The following CAMTA1 variants were observed in gnomAD, a reference collection of about 807,000 sequenced individuals.
The protein encoded by CAMTA1 is calmodulin-binding transcription activator 1.
A neutral mutation model predicts 170.9 loss-of-function variants in CAMTA1; 27 were observed. The ratio of observed to expected loss-of-function variants is 0.16; its 90% CI spans 0.12 to 0.22. CAMTA1 has a LOEUF of 0.22. Ranked by LOEUF, CAMTA1 falls within the 10% of genes least tolerant of loss-of-function variation. The probability of loss-of-function intolerance (pLI) is 1.00; values close to 1 mark genes in which losing one functional copy is unlikely to be tolerated. For missense variants in CAMTA1, 1,619 were observed against 2,217.2 expected (o/e 0.73, Z 5.42); for synonymous variants, 833 against 891.5 (o/e 0.93, Z 1.17).
rs1268711004 is a variant in CAMTA1, at chr1:7,251,038, A to G, written c.438+1412A>G. ...GGAGGGAGAGGTAGAGAGTGAGGCA[A>G]GGCTGGGTGGGGCCCCCGAACAACG... is the stretch of plus-strand genomic sequence containing the variant. On this transcript the variant is annotated intron_variant, in intron 5 of 22. Coordinates refer to ENST00000303635, the MANE Select transcript of CAMTA1 (RefSeq NM_015215.4). The surrounding 1 kb of genome is among the most constrained non-coding windows in gnomAD (Gnocchi z 5.1). 6.6e-6 allele frequency among the ~76,000 whole-genome samples: 1 copy of G among 152,178 alleles called. No individual in the cohort carries two copies. The highest frequency in any genetic ancestry group is 2.4e-5 in the African/African-American group (1 of 41,452).
rs2096875174 is a variant in CAMTA1 at position 7,748,756 on chromosome 1, C to A, written c.4689+975C>A. ...GAAAATCAGAAGAAGCTCAGAACAT[C>A]TTAAACTGCTTTTGTGCACCTTAGT... On this transcript the variant is annotated intron_variant, in intron 19 of 22. Transcript: ENST00000303635. This position sits in a 1 kb window ranked among gnomAD's most constrained non-coding sequence, Gnocchi z 4.7. 6.6e-6 allele frequency among the ~76,000 whole-genome samples: 1 copy of A among 152,172 alleles called. No individual in the cohort carries two copies. Among genetic ancestry groups the A allele is most frequent in the Non-Finnish European group, 1.5e-5 (1 of 68,028 alleles).
intron 4 of CAMTA1, among the ~76,000 whole-genome samples, chr1:7,102,526 C>T (rs1344598194): frequency 2.6e-5 from 4 of 152,152 alleles, no homozygotes; most frequent in African/African-American, 2.4e-5. Flanking sequence ...GAAGTCAGCC[C>T]ACTGTCAGGT....
chr1:7,162,149 T>A (rs11120870), intron 4 of CAMTA1, among the ~76,000 whole-genome samples: 3,720 of 152,120 alleles, frequency 0.024, 142 homozygotes, highest in African/African-American at 0.085. Flanking sequence ...TGGAGTATGG[T>A]GGGTGCAGGA....
rs189383513 is a variant in CAMTA1, at chr1:7,768,708, C to T, written c.*2217C>T. On this transcript the variant is annotated 3_prime_UTR_variant, in exon 23 of 23. Coordinates refer to ENST00000303635, the MANE Select transcript of CAMTA1 (RefSeq NM_015215.4). ...GTGACAGCCCCACAACTAGTAGCCA[C>T]CTGTACATTTGTAAACTGACCTGAC... 1.3e-5 allele frequency: 2 copies of T among 152,726 alleles called. No homozygotes were observed. The highest frequency in any genetic ancestry group is 3.8e-4 in the East Asian group (2 of 5,308). 9.5% of individuals were successfully genotyped at this position (152,726 alleles called of 1,614,324 possible).
chr1:7,437,748 G>A (rs948310872), intron 5 of CAMTA1, among the ~76,000 whole-genome samples: 10 of 152,192 alleles, frequency 6.6e-5, no homozygotes, highest in African/African-American at 2.4e-4. Flanking sequence ...CTGACACAGG[G>A]TGCTGCCTCC....
intron 6 of CAMTA1, among the ~76,000 whole-genome samples, chr1:7,530,422 C>T (rs904437163): frequency 1.3e-5 from 2 of 152,104 alleles, no homozygotes; most frequent in Non-Finnish European, 2.9e-5. Flanking sequence ...CTGGTCGGTC[C>T]CTAGCAGCTG....
At chr1:7,374,942 G>A (rs2086732561) in intron 5 of CAMTA1, among the ~76,000 whole-genome samples, 1 of 152,304 alleles carries the variant, frequency 6.6e-6, no homozygotes, top group South Asian at 2.1e-4. Context: ...ACCCTACAAT[G>A]CTTCTCGCTT....
At chr1:7,653,862 C>G (rs890356302) in intron 7 of CAMTA1, among the ~76,000 whole-genome samples, 44 of 152,220 alleles carry the variant, frequency 2.9e-4, no homozygotes, top group African/African-American at 1.0e-3. Context: ...AGGATCCAAA[C>G]TCCAGCTCCT....
intron 3 of CAMTA1, among the ~76,000 whole-genome samples, chr1:7,013,610 G>A (rs1296762780): frequency 6.6e-6 from 1 of 152,176 alleles, no homozygotes; most frequent in African/African-American, 2.4e-5. Flanking sequence ...GCAGAGTGTG[G>A]CTCAGCTGTG....
chr1:7,655,684 C>A (rs2095896603), intron 7 of CAMTA1, among the ~76,000 whole-genome samples: 1 of 136,606 alleles, frequency 7.3e-6, no homozygotes, highest in Non-Finnish European at 1.7e-5. Flanking sequence ...CTGATACACA[C>A]CTATACACAC....
intron 4 of CAMTA1, among the ~76,000 whole-genome samples, chr1:7,189,741 T>C (rs981169821): frequency 6.6e-6 from 1 of 152,200 alleles, no homozygotes; most frequent in African/African-American, 2.4e-5. Flanking sequence ...CTCAAAGAAC[T>C]AAAAGTAGAA....
chr1:7,230,445 GC>G (rs1553279860), intron 4 of CAMTA1, among the ~76,000 whole-genome samples: 41 of 47,942 alleles, frequency 8.6e-4, no homozygotes, highest in African/African-American at 5.2e-3. Context: ...CCCCCCCCCC[GC>G]CCCGCAAAGC....
At chr1:7,184,622 T>C (rs187947028) in intron 4 of CAMTA1, among the ~76,000 whole-genome samples, 4 of 152,264 alleles carry the variant, frequency 2.6e-5, no homozygotes, top group Non-Finnish European at 4.4e-5. Context: ...ATGAGATTGA[T>C]TACTGATGGG....
At position 7,092,078 on chromosome 1, in the gene CAMTA1, G is replaced by A. The variant is rs1034192889; in HGVS notation, c.302+707G>A. ...TTGGAATGTTACAATCTAGAGCTTC[G>A]GAAATACATGGCCACTCTCTTCCAA... On this transcript the variant is annotated intron_variant, in intron 4 of 22. Transcript: ENST00000303635. This position sits in a 1 kb window ranked among gnomAD's most constrained non-coding sequence, Gnocchi z 5.0. Among the ~76,000 whole-genome samples the A allele has an allele frequency of 3.3e-5, 5 of 152,292 alleles. No individual in the cohort carries two copies. The highest frequency in any genetic ancestry group is 2.1e-4 in the South Asian group (1 of 4,828).
At chr1:6,908,981 T>A (rs1679144246) in intron 3 of CAMTA1, among the ~76,000 whole-genome samples, 1 of 152,264 alleles carries the variant, frequency 6.6e-6, no homozygotes, top group Non-Finnish European at 1.5e-5. Context: ...AAGCATCGAA[T>A]CAAAGAATAA....
chr1:7,105,519 C>A (rs1428063235), intron 4 of CAMTA1, among the ~76,000 whole-genome samples: 1 of 152,246 alleles, frequency 6.6e-6, no homozygotes, highest in Non-Finnish European at 1.5e-5. Context: ...CTCCGTTCCA[C>A]TGAGCACTGG....
chr1:7,457,053 G>GCAC (rs2092972500), intron 5 of CAMTA1, among the ~76,000 whole-genome samples: 2 of 45,046 alleles, frequency 4.4e-5, no homozygotes, highest in Admixed American at 5.1e-4. Flanking sequence ...CCCGCCCCCT[G>GCAC]CGCCGCCGTG....
intron 1 of CAMTA1, among the ~76,000 whole-genome samples, chr1:6,803,941 G>T (rs1644200057): frequency 6.6e-6 from 1 of 151,698 alleles, no homozygotes; most frequent in Non-Finnish European, 1.5e-5. Context: ...CCAGCACTTT[G>T]GGAGGCTGAG....
intron 4 of CAMTA1, among the ~76,000 whole-genome samples, chr1:7,176,136 C>A (rs902034681): frequency 1.3e-5 from 2 of 152,226 alleles, no homozygotes; most frequent in Non-Finnish European, 2.9e-5. Context: ...CCTCTTGATT[C>A]ATGTTAAAAC....
Sources: gnomAD v4.1 joint callset for allele counts (sites outside exome capture counted in the v4.1 genomes callset) on GRCh38, gnomAD v4.1.1 for gene constraint, Gnocchi (gnomAD v3.1) non-coding constraint, MANE v1.5 for transcripts, NCBI Gene and HGNC (gene_info 2026-07-23, HGNC 2026-07-21) for gene names.